Variants in KDM4C observed in about 807,000 individuals in gnomAD.
KDM4C encodes the protein lysine-specific demethylase 4C.
A neutral mutation model predicts 129.3 loss-of-function variants in KDM4C; 81 were observed. The observed-to-expected ratio is 0.63, with a 90% CI of 0.52 to 0.75. The LOEUF is 0.75. Ranked by LOEUF, KDM4C falls within the 30% of genes least tolerant of loss-of-function variation. The probability of loss-of-function intolerance (pLI) is 0.00; values close to 1 mark genes in which losing one functional copy is unlikely to be tolerated. For synonymous variants in KDM4C, 573 were observed against 456.1 expected, an observed-to-expected ratio of 1.26 and a Z score of -3.26; for missense variants, 1,457 against 1,304.0, an observed-to-expected ratio of 1.12 and a Z score of -1.81.
chr9:6,974,483 G>A (rs73397846), intron 8 of KDM4C, among the ~76,000 whole-genome samples: 6 of 152,238 alleles, frequency 3.9e-5, no homozygotes, highest in East Asian at 1.9e-4. Flanking sequence ...CCTGTTTCCC[G>A]AGTAGCTGAG....
At chr9:7,071,144 G>C (rs532018109) in intron 17 of KDM4C, among the ~76,000 whole-genome samples, 1 of 152,034 alleles carries the variant, frequency 6.6e-6, no homozygotes, top group Non-Finnish European at 1.5e-5. Flanking sequence ...ACTATAAAAC[G>C]CTAATAAAGG....
At chr9:6,944,679 CTG>C (rs1343232925) in intron 8 of KDM4C, among the ~76,000 whole-genome samples, 5 of 35,336 alleles carry the variant, frequency 1.4e-4, no homozygotes, top group Admixed American at 2.9e-4. Flanking sequence ...TTTTTTGCCT[CTG>C]TGCAACAGGG....
intron 1 of KDM4C, among the ~76,000 whole-genome samples, chr9:6,790,693 T>G (rs1306013206): frequency 2.0e-5 from 3 of 147,746 alleles, no homozygotes; most frequent in African/African-American, 7.4e-5. Flanking sequence ...GAGGAAAACT[T>G]TTTTCCAGGA....
intron 4 of KDM4C, among the ~76,000 whole-genome samples, chr9:6,825,328 G>A (rs907661676): frequency 1.3e-5 from 2 of 152,168 alleles, no homozygotes; most frequent in Non-Finnish European, 1.5e-5. Flanking sequence ...CAGACCCTCT[G>A]ACAAGGTCTG....
At chr9:6,921,810 G>A (rs1049000310) in intron 8 of KDM4C, among the ~76,000 whole-genome samples, 1 of 151,684 alleles carries the variant, frequency 6.6e-6, no homozygotes, top group African/African-American at 2.4e-5. Flanking sequence ...CTTTGACTTC[G>A]AGTTTTACCT....
At chr9:6,879,390 C>T (rs1844095667) in intron 5 of KDM4C, among the ~76,000 whole-genome samples, 1 of 152,032 alleles carries the variant, frequency 6.6e-6, no homozygotes, top group South Asian at 2.1e-4. Flanking sequence ...AAATTTTTTG[C>T]TGTAATCAAG....
intron 5 of KDM4C, among the ~76,000 whole-genome samples, chr9:6,874,445 T>C (rs1407528986): frequency 6.6e-6 from 1 of 152,228 alleles, no homozygotes; most frequent in African/African-American, 2.4e-5. Context: ...AGCTATTGTC[T>C]GACAGTGACT....
chr9:6,895,575 T>G (rs1047506313), intron 8 of KDM4C, among the ~76,000 whole-genome samples: 10 of 152,076 alleles, frequency 6.6e-5, no homozygotes, highest in African/African-American at 2.4e-4. Context: ...TGCCTACTAC[T>G]ACAGGGGGTA....
intron 12 of KDM4C, among the ~76,000 whole-genome samples, chr9:7,000,881 A>G (rs1321905987): frequency 6.6e-6 from 1 of 152,166 alleles, no homozygotes; most frequent in Non-Finnish European, 1.5e-5. Flanking sequence ...ATCAGCATGG[A>G]AAGTTTATGT....
chr9:6,934,027 T>G (rs1824246946), intron 8 of KDM4C, among the ~76,000 whole-genome samples: 2 of 151,948 alleles, frequency 1.3e-5, no homozygotes, highest in Non-Finnish European at 2.9e-5. Flanking sequence ...TTTTTGTACT[T>G]TTTGTAGAGA....
intron 1 of KDM4C, among the ~76,000 whole-genome samples, chr9:6,781,985 C>T (rs367570477): frequency 1.3e-4 from 19 of 151,880 alleles, no homozygotes; most frequent in African/African-American, 2.4e-4. Flanking sequence ...CCACCATGCC[C>T]GGCTAATTTT....
intron 15 of KDM4C, among the ~76,000 whole-genome samples, chr9:7,026,191 C>T (rs888249320): frequency 6.7e-5 from 10 of 148,852 alleles, no homozygotes; most frequent in Non-Finnish European, 1.2e-4. Flanking sequence ...GGTGACAGAG[C>T]GAGACGCCAT....
intron 8 of KDM4C, among the ~76,000 whole-genome samples, chr9:6,969,132 C>T (rs1179819777): frequency 6.6e-6 from 1 of 152,150 alleles, no homozygotes; most frequent in Non-Finnish European, 1.5e-5. Flanking sequence ...GATGGGGTTT[C>T]ACCATATTGG....
intron 5 of KDM4C, among the ~76,000 whole-genome samples, chr9:6,855,107 T>C (rs1473468724): frequency 6.6e-6 from 1 of 152,194 alleles, no homozygotes; most frequent in Non-Finnish European, 1.5e-5. Context: ...GTTGTATGTA[T>C]ACATGGCATG....
chr9:7,122,286 T>TC (rs1554752013), intron 18 of KDM4C, among the ~76,000 whole-genome samples: 19 of 87,796 alleles, frequency 2.2e-4, no homozygotes, highest in African/African-American at 6.9e-4. Flanking sequence ...CTCTCTCTCT[T>TC]AAACAGCCAG....
At chr9:6,943,589 T>G (rs2131419344) in intron 8 of KDM4C, among the ~76,000 whole-genome samples, 1 of 151,866 alleles carries the variant, frequency 6.6e-6, no homozygotes, top group African/African-American at 2.4e-5. Flanking sequence ...GTGGGAAGAT[T>G]GCTTGAGCCC....
At chr9:7,090,781 T>C (rs1042021242) in intron 17 of KDM4C, among the ~76,000 whole-genome samples, 1 of 152,228 alleles carries the variant, frequency 6.6e-6, no homozygotes, top group Non-Finnish European at 1.5e-5. Context: ...TTGACTCACG[T>C]TGTAAGAATA....
chr9:6,759,713 G>A lies in KDM4C; in HGVS notation c.-18+1510G>A, dbSNP rs945233531. ...CCTGCCTGTAATCCCAACACTTTGG[G>A]AGGCCGAGGCGGGTGTATCACCTGA... On this transcript the variant is annotated intron_variant, in intron 1 of 21. Coordinates refer to ENST00000381309, the MANE Select transcript of KDM4C (RefSeq NM_015061.6). Among the ~76,000 whole-genome samples the A allele has an allele frequency of 8.5e-5, 13 of 152,130 alleles. No homozygotes were observed. The East Asian group carries it at 2.5e-3, about 29-fold the overall frequency.
chr9:6,806,422 A>G (rs1211257105), intron 3 of KDM4C, among the ~76,000 whole-genome samples: 1 of 152,048 alleles, frequency 6.6e-6, no homozygotes, highest in East Asian at 1.9e-4. Context: ...TGAACCTGGG[A>G]GACAGAGGTT....
Sources: allele counts gnomAD v4.1 joint callset (sites outside exome capture counted in the v4.1 genomes callset), GRCh38; gene constraint gnomAD v4.1.1; transcripts MANE v1.5; gene names NCBI Gene and HGNC (gene_info 2026-07-23, HGNC 2026-07-21).